GYG1: variants seen among roughly 807,000 people sequenced by gnomAD.
The protein encoded by GYG1 is glycogenin-1.
In GYG1, 44 loss-of-function variants were observed where a neutral mutation model predicts 41.9. That is an observed-to-expected ratio of 1.05 (90% CI 0.83 to 1.35). GYG1 has a LOEUF of 1.35. Ranked by LOEUF, GYG1 falls within the 40% of genes most tolerant of loss-of-function variation. The probability of loss-of-function intolerance (pLI) is 0.00; values close to 1 mark genes in which losing one functional copy is unlikely to be tolerated. For synonymous variants in GYG1, 141 were observed against 158.1 expected (o/e 0.89, Z 0.81); for missense variants, 429 against 418.9 (o/e 1.02, Z -0.21).
intron 5 of GYG1, among the ~76,000 whole-genome samples, chr3:149,020,253 AACTAT>A (rs1714292988): frequency 6.6e-6 from 1 of 152,236 alleles, no homozygotes; most frequent in Admixed American, 6.5e-5. Context: ...CTGGGACCTT[AACTAT>A]ACTTGGGGGA....
At chr3:149,013,183 A>G (rs1379317197) in intron 5 of GYG1, among the ~76,000 whole-genome samples, 1 of 152,128 alleles carries the variant, frequency 6.6e-6, no homozygotes, top group Admixed American at 6.5e-5. Context: ...ATATTTTTGA[A>G]AGTGCTTAGC....
chr3:149,023,998 C>G (rs1714507435), intron 5 of GYG1, 55 bp from the exon 6 acceptor site: 1 of 1,249,082 alleles, frequency 8.0e-7, no homozygotes, highest in Admixed American at 1.7e-5. Context: ...TGCTGCTTAT[C>G]TTTTTGTCAG....
At chr3:149,006,257 A>T (rs1713401390) in intron 4 of GYG1, among the ~76,000 whole-genome samples, 1 of 151,580 alleles carries the variant, frequency 6.6e-6, no homozygotes, top group Admixed American at 6.6e-5. Context: ...TAATTTTTGT[A>T]TTTTTAGTAG....
chr3:149,008,605 T>C (rs1343717209), intron 4 of GYG1, among the ~76,000 whole-genome samples: 3 of 152,362 alleles, frequency 2.0e-5, no homozygotes, highest in Admixed American at 2.0e-4. Context: ...CGTGTGCCTG[T>C]AGTGCCACGT....
At chr3:149,012,990 A>G (rs1202955272) in intron 5 of GYG1, among the ~76,000 whole-genome samples, 1 of 96,306 alleles carries the variant, frequency 1.0e-5, no homozygotes, top group African/African-American at 5.9e-5. Context: ...CACTATGCTC[A>G]GTTAATTTGT....
intron 1 of GYG1, among the ~76,000 whole-genome samples, chr3:148,993,514 T>C (rs1712608074): frequency 6.6e-6 from 1 of 152,150 alleles, no homozygotes; most frequent in Non-Finnish European, 1.5e-5. Context: ...TCAGGGATAT[T>C]GGGGCAGGGG....
intron 4 of GYG1, among the ~76,000 whole-genome samples, chr3:148,999,013 G>C (rs982702396): frequency 6.6e-6 from 1 of 152,154 alleles, no homozygotes; most frequent in Non-Finnish European, 1.5e-5. Context: ...CATGTAAAGA[G>C]AATCCAATTT....
In GYG1 at chr3:149,027,047, A is replaced by C; in HGVS notation, c.*114A>C. 1 of 1,152,926 alleles carries C rather than the reference A, an allele frequency of 8.7e-7. No homozygotes were observed. Among genetic ancestry groups the C allele is most frequent in the Non-Finnish European group, 1.3e-6 (1 of 775,130 alleles). 71.4% of individuals were successfully genotyped at this position (1,152,926 alleles called of 1,614,324 possible). On this transcript the variant is annotated 3_prime_UTR_variant, in exon 8 of 8. Transcript: ENST00000345003. Reference sequence around the variant, plus strand: ...ACAGTTGCTAGAGGTTTTCATTAAAACTTATCAGATGAGAGGCTTTTTTAG... The same window carrying C: ...ACAGTTGCTAGAGGTTTTCATTAAACCTTATCAGATGAGAGGCTTTTTTAG...
At chr3:149,020,099 A>G (rs1367281896) in intron 5 of GYG1, among the ~76,000 whole-genome samples, 1 of 152,226 alleles carries the variant, frequency 6.6e-6, no homozygotes, top group Non-Finnish European at 1.5e-5. Context: ...GCTGATCTTA[A>G]GCACCACCCA....
Position 149,026,309 on chromosome 3 carries a change from T to G in GYG1, c.829-143T>G, listed in dbSNP as rs1714647437. On this transcript the variant is annotated intron_variant, in intron 6 of 7. Coordinates refer to ENST00000345003, the MANE Select transcript of GYG1 (RefSeq NM_004130.4). ...TGAGTATGTGTTGCGGCTCTCTAGT[T>G]AGATTCTTTCTGAAATGTAGCCTGT... 5 of 741,766 alleles carry G rather than the reference T, an allele frequency of 6.7e-6. No homozygotes were observed. The South Asian group carries it at 7.2e-5, about 11-fold the overall frequency. 45.9% of individuals were successfully genotyped at this position (741,766 alleles called of 1,614,324 possible). A position where few individuals can be genotyped will look rare whatever the true frequency, so the allele number is the denominator to read the frequency against.
intron 4 of GYG1, 132 bp from the exon 5 acceptor site, chr3:149,009,144 G>A: frequency 1.5e-6 from 1 of 663,430 alleles, no homozygotes; most frequent in South Asian, 1.9e-5. Flanking sequence ...GGGTGACAGA[G>A]CGAGACTCCG....
chr3:149,017,518 A>G (rs192281626), intron 5 of GYG1, among the ~76,000 whole-genome samples: 4 of 150,996 alleles, frequency 2.6e-5, no homozygotes, highest in Admixed American at 1.3e-4. Context: ...TCTGACATCA[A>G]CATTTCCCCT....
At chr3:149,024,768 T>A (rs1714562608) in intron 6 of GYG1, among the ~76,000 whole-genome samples, 1 of 152,220 alleles carries the variant, frequency 6.6e-6, no homozygotes, top group South Asian at 2.1e-4. Flanking sequence ...TACTATAGGA[T>A]CTTGAAAAAG....
intron 5 of GYG1, among the ~76,000 whole-genome samples, chr3:149,023,073 G>A (rs1714456549): frequency 6.6e-6 from 1 of 152,146 alleles, no homozygotes. Flanking sequence ...ATCTCAGCAG[G>A]GTTTGGAGCT....
chr3:149,016,652 TG>T (rs35275781), intron 5 of GYG1, among the ~76,000 whole-genome samples: 4,042 of 152,290 alleles, frequency 0.027, 68 homozygotes, highest in South Asian at 0.053. Context: ...AGTTGTTTGC[TG>T]GGGGTAGCAG....
intron 6 of GYG1, among the ~76,000 whole-genome samples, chr3:149,024,897 G>A (rs892419606): frequency 4.6e-5 from 7 of 152,186 alleles, no homozygotes; most frequent in Non-Finnish European, 8.8e-5. Flanking sequence ...GGAAGAGGAT[G>A]AGGAACGAAA....
intron 2 of GYG1, among the ~76,000 whole-genome samples, chr3:148,994,850 G>T (rs1404038640): frequency 6.6e-6 from 1 of 152,196 alleles, no homozygotes; most frequent in East Asian, 1.9e-4. Context: ...ACTGCTTCAT[G>T]ATTGGTTAGT....
intron 1 of GYG1, among the ~76,000 whole-genome samples, chr3:148,993,161 T>C (rs1712584653): frequency 6.6e-6 from 1 of 152,044 alleles, no homozygotes; most frequent in Admixed American, 6.5e-5. Context: ...GGCCCAGAAT[T>C]GTCCCAGGGA....
Position 149,002,740 on chromosome 3 carries a change from T to C in GYG1, c.481+5836T>C, listed in dbSNP as rs372090673. On this transcript the variant is annotated intron_variant, in intron 4 of 7. Transcript: ENST00000345003. Reference sequence around the variant, plus strand: ...AGGAAGTTAGTTTTAAAAAGAAGTGTCCAGGCGCAGTGGCTCACACCTGTA... The same window carrying C: ...AGGAAGTTAGTTTTAAAAAGAAGTGCCCAGGCGCAGTGGCTCACACCTGTA... 3.8e-4 allele frequency among the ~76,000 whole-genome samples: 58 copies of C among 152,294 alleles called. 1 individual carries two copies. The highest frequency in any genetic ancestry group is 1.4e-3 in the African/African-American group (58 of 41,558).
Sources: gnomAD v4.1 joint callset for allele counts (sites outside exome capture counted in the v4.1 genomes callset) on GRCh38, gnomAD v4.1.1 for gene constraint, MANE v1.5 for transcripts, NCBI Gene and HGNC (gene_info 2026-07-23, HGNC 2026-07-21) for gene names.